WWOX: variants seen among roughly 807,000 people sequenced by gnomAD.
The protein encoded by WWOX is WW domain containing oxidoreductase, also known as WW domain-containing oxidoreductase.
A neutral mutation model predicts 46.2 loss-of-function variants in WWOX; 69 were observed. That is an observed-to-expected ratio of 1.49 (90% CI 1.23 to 1.82). The LOEUF is 1.82. Among genes scored for constraint, WWOX ranks in the 40% most tolerant of loss-of-function variants. The pLI, the probability that WWOX is intolerant of heterozygous loss-of-function variation, is 0.00. For synonymous variants in WWOX, 359 were observed against 202.6 expected, an observed-to-expected ratio of 1.77 and a Z score of -6.56; for missense variants, 919 against 542.6, an observed-to-expected ratio of 1.69 and a Z score of -6.89.
intron 8 of WWOX, among the ~76,000 whole-genome samples, chr16:78,810,126 C>A (rs1468968524): frequency 6.6e-6 from 1 of 152,158 alleles, no homozygotes; most frequent in Non-Finnish European, 1.5e-5. Flanking sequence ...GAAGAGGAGC[C>A]CTCATACAGT....
At position 79,211,634 on chromosome 16, in the gene WWOX, C is replaced by G. The variant is rs368680750; in HGVS notation, c.1083C>G (p.Tyr361Ter). 1 of 1,614,102 alleles carries G rather than the reference C, an allele frequency of 6.2e-7. No individual in the cohort carries two copies. The highest frequency in any genetic ancestry group is 2.2e-5 in the East Asian group (1 of 44,880). ...SMQQGAATTV[Y>*]CAAVPELEGL... ...AACAGGGAGCTGCCACCACCGTGTA[C>G]TGTGCTGCTGTCCCAGAACTGGAGG... Residue 361 changes from tyrosine to a stop codon, truncating the protein, a stop_gained, in exon 9 of 9, where the codon TAC becomes TAG. Transcript: ENST00000566780. LOFTEE classifies it high-confidence loss of function.
At chr16:78,589,629 T>C (rs527273156) in intron 8 of WWOX, among the ~76,000 whole-genome samples, 6 of 152,176 alleles carry the variant, frequency 3.9e-5, no homozygotes, top group Admixed American at 2.6e-4. Flanking sequence ...GCAAGTAGTT[T>C]CCGGTAAAGG....
intron 8 of WWOX, among the ~76,000 whole-genome samples, chr16:78,704,728 T>C (rs1325222089): frequency 6.6e-6 from 1 of 152,114 alleles, no homozygotes; most frequent in Non-Finnish European, 1.5e-5. Context: ...AGCTGCTGGG[T>C]GAATTCTGGA....
intron 6 of WWOX, among the ~76,000 whole-genome samples, chr16:78,401,864 T>TAA (rs1265815775): frequency 6.6e-6 from 1 of 152,076 alleles, no homozygotes; most frequent in Admixed American, 6.6e-5. Context: ...CACGCTTGGC[T>TAA]AATTTTTGTA....
intron 5 of WWOX, among the ~76,000 whole-genome samples, chr16:78,211,622 G>C (rs1396882467): frequency 6.6e-6 from 1 of 152,174 alleles, no homozygotes; most frequent in African/African-American, 2.4e-5. Flanking sequence ...GAAAAAAGAG[G>C]CTGCTGGACT....
chr16:78,450,537 A>G (rs148641550), intron 8 of WWOX, among the ~76,000 whole-genome samples: 20 of 152,328 alleles, frequency 1.3e-4, no homozygotes, highest in African/African-American at 3.6e-4. Context: ...CTGTGTATCA[A>G]CTACTGAGAC....
At chr16:78,566,275 T>A (rs957753607) in intron 8 of WWOX, among the ~76,000 whole-genome samples, 3 of 152,162 alleles carry the variant, frequency 2.0e-5, no homozygotes, top group African/African-American at 7.2e-5. Flanking sequence ...GGCTTCAGCA[T>A]ATGAATTTGG....
chr16:78,700,589 C>T (rs1490277451), intron 8 of WWOX, among the ~76,000 whole-genome samples: 1 of 152,178 alleles, frequency 6.6e-6, no homozygotes, highest in Non-Finnish European at 1.5e-5. Flanking sequence ...CCACCAGGTC[C>T]AAGGAAGGGG....
At chr16:78,104,231 A>AATACACACACAC (rs1555534029) in intron 1 of WWOX, among the ~76,000 whole-genome samples, 1 of 130,124 alleles carries the variant, frequency 7.7e-6, no homozygotes, top group East Asian at 2.3e-4. Flanking sequence ...CTGTGCTCAA[A>AATACACACACAC]ACACACACAC....
intron 8 of WWOX, among the ~76,000 whole-genome samples, chr16:79,095,177 C>G (rs1183095239): frequency 6.6e-6 from 1 of 152,182 alleles, no homozygotes; most frequent in African/African-American, 2.4e-5. Context: ...GGAGAAAGAG[C>G]TGCTGTCTTT....
chr16:78,144,997 C>G (rs1434227909), intron 4 of WWOX, among the ~76,000 whole-genome samples: 1 of 152,106 alleles, frequency 6.6e-6, no homozygotes, highest in African/African-American at 2.4e-5. Flanking sequence ...TTGAGGTTCA[C>G]AGAAGTTAAG....
chr16:78,623,863 C>T (rs1597363395), intron 8 of WWOX, among the ~76,000 whole-genome samples: 1 of 152,236 alleles, frequency 6.6e-6, no homozygotes, highest in African/African-American at 2.4e-5. Flanking sequence ...GACACACTTC[C>T]ACCTACAGAG....
At chr16:78,946,970 C>T (rs1223337223) in intron 8 of WWOX, among the ~76,000 whole-genome samples, 3 of 152,152 alleles carry the variant, frequency 2.0e-5, no homozygotes, top group East Asian at 3.9e-4. Context: ...GTATCGCACG[C>T]AGGCATTAAA....
At chr16:78,897,951 C>T (rs556074233) in intron 8 of WWOX, 1 of 152,018 alleles carries the variant, frequency 6.6e-6, no homozygotes, top group East Asian at 1.9e-4. Context: ...ATTGGCCGTT[C>T]ATATATTTTC....
At chr16:79,124,998 G>A (rs918925297) in intron 8 of WWOX, among the ~76,000 whole-genome samples, 7 of 151,700 alleles carry the variant, frequency 4.6e-5, no homozygotes, top group Middle Eastern at 3.4e-3. Context: ...CTGTTACACA[G>A]CTGGGATTAT....
At chr16:78,936,562 A>G (rs1402307889) in intron 8 of WWOX, among the ~76,000 whole-genome samples, 1 of 152,156 alleles carries the variant, frequency 6.6e-6, no homozygotes, top group South Asian at 2.1e-4. Context: ...TAAGAATTTC[A>G]GAATTCCAGG....
chr16:78,253,960 G>C (rs2038053340), intron 5 of WWOX, among the ~76,000 whole-genome samples: 1 of 152,142 alleles, frequency 6.6e-6, no homozygotes, highest in African/African-American at 2.4e-5. Context: ...AGTGCAACCG[G>C]GAAGCTCATC....
At chr16:78,831,200 T>C (rs1211222508) in intron 8 of WWOX, among the ~76,000 whole-genome samples, 2 of 139,486 alleles carry the variant, frequency 1.4e-5, no homozygotes, top group South Asian at 2.3e-4. Flanking sequence ...GCACCATCTC[T>C]GTGACTTTCG....
intron 8 of WWOX, chr16:79,101,414 T>C (rs2049190309): frequency 6.6e-6 from 1 of 152,154 alleles, no homozygotes. Context: ...AATTTACAAA[T>C]AGATGAAAGT....
Sources: gnomAD v4.1 joint callset for allele counts (sites outside exome capture counted in the v4.1 genomes callset) on GRCh38, gnomAD v4.1.1 for gene constraint, MANE v1.5 for transcripts, NCBI Gene and HGNC (gene_info 2026-07-23, HGNC 2026-07-21) for gene names.